ZNF704: variants seen among roughly 807,000 people sequenced by gnomAD.
ZNF704 encodes glucocorticoid induced gene 1.
ZNF704 carries 10 observed loss-of-function variants against 44.7 expected under a neutral mutation model. That is an observed-to-expected ratio of 0.22 (90% confidence interval 0.14 to 0.38). The LOEUF (loss-of-function observed/expected upper bound fraction) is 0.38, where lower values mean the gene tolerates loss of function less well. ZNF704 is among the 10% of genes least tolerant of loss of function. The pLI is 1.00. For synonymous variants in ZNF704, 211 were observed against 207.6 expected (o/e 1.02, Z -0.14); for missense variants, 390 against 545.5 (o/e 0.71, Z 2.84).
rs560828192 is a variant in ZNF704, at chr8:80,823,921, C to T, written c.-21-2306G>A. 2.0e-4 allele frequency among the ~76,000 whole-genome samples: 30 copies of T among 152,280 alleles called. 1 individual carries two copies. The highest frequency in any genetic ancestry group is 6.3e-4 in the African/African-American group (26 of 41,554). ...CATCCACACCAAAACCCCATCTGTA[C>T]GTCACCATCATCAAAGACCAAAGGT... On this transcript the variant is annotated intron_variant, in intron 1 of 8. Coordinates refer to ENST00000327835, the MANE Select transcript of ZNF704 (RefSeq NM_001033723.3).
chr8:80,670,741 T>A (rs931418540), intron 4 of ZNF704, 138 bp from the exon 5 acceptor site: 3 of 630,538 alleles, frequency 4.8e-6, no homozygotes, highest in Non-Finnish European at 8.5e-6. Context: ...CAGCACACTA[T>A]TGTAGGCATC....
At chr8:80,750,190 G>A (rs115109912) in intron 2 of ZNF704, among the ~76,000 whole-genome samples, 271 of 152,162 alleles carry the variant, frequency 1.8e-3, no homozygotes, top group African/African-American at 6.4e-3. Flanking sequence ...ATGGAACAGG[G>A]TTGGCACCAC....
chr8:80,641,569 G>T, intron 8 of ZNF704, 92 bp from the exon 9 acceptor site: 18 of 360,896 alleles, frequency 5.0e-5, no homozygotes, highest in East Asian at 1.6e-4. Context: ...AGTGAGGGAG[G>T]AAAAAAAAAA....
intron 3 of ZNF704, 87 bp downstream of exon 3, chr8:80,692,917 G>T: frequency 8.2e-7 from 1 of 1,215,564 alleles, no homozygotes; most frequent in Non-Finnish European, 1.2e-6. Flanking sequence ...GTGGTTCATA[G>T]CGCTTGACAG....
Position 80,687,361 on chromosome 8 carries a change from G to A in ZNF704, c.423C>T (p.Asn141=), listed in dbSNP as rs1018987533. 3.2e-5 allele frequency: 52 copies of A among 1,608,106 alleles called. No homozygotes were observed. Among genetic ancestry groups the A allele is most frequent in the Non-Finnish European group, 4.1e-5 (48 of 1,179,306 alleles). ...WSWSAPSDQS[N]PSTPSPPLSA... ...AGAGCGGCGGCGACGGCGTGGACGG[G>A]TTGGACTGGTCGCTGGGGGCGCTCC... The change falls in exon 4 of 9, where the codon AAC becomes AAT. Residue 141 remains asparagine (N), a synonymous_variant. Coordinates refer to ENST00000327835, the MANE Select transcript of ZNF704 (RefSeq NM_001033723.3).
intron 2 of ZNF704, among the ~76,000 whole-genome samples, chr8:80,816,697 TTTTC>T (rs1284874706): frequency 1.3e-5 from 2 of 152,228 alleles, no homozygotes; most frequent in South Asian, 2.1e-4. Context: ...TAGGAATTAA[TTTTC>T]TTTCTGTTAA....
At chr8:80,762,800 CACCTATCA>C (rs2131721400) in intron 2 of ZNF704, among the ~76,000 whole-genome samples, 1 of 152,278 alleles carries the variant, frequency 6.6e-6, no homozygotes, top group Admixed American at 6.5e-5. Context: ...AAGTCCTTTC[CACCTATCA>C]GCCTATCAAA....
rs554132590 is a variant in ZNF704 at position 80,634,229 on chromosome 8, T to A, written c.*7137A>T. The A allele has an allele frequency of 6.6e-6, 1 of 152,318 alleles. No individual in the cohort carries two copies. Among genetic ancestry groups the A allele is most frequent in the East Asian group, 1.9e-4 (1 of 5,178 alleles). 9.4% of individuals were successfully genotyped at this position (152,318 alleles called of 1,614,324 possible). A position where few individuals can be genotyped will look rare whatever the true frequency, so the allele number is the denominator to read the frequency against. Reference sequence around the variant, plus strand: ...GTAGAAAACACTAAGAAAATTAGGATAACAGTGATTCAACACTTTACGGGG... The same window carrying A: ...GTAGAAAACACTAAGAAAATTAGGAAAACAGTGATTCAACACTTTACGGGG... On this transcript the variant is annotated 3_prime_UTR_variant, in exon 9 of 9. Transcript: ENST00000327835.
intron 1 of ZNF704, among the ~76,000 whole-genome samples, chr8:80,841,835 G>C (rs778786400): frequency 2.0e-5 from 3 of 152,148 alleles, no homozygotes; most frequent in East Asian, 3.9e-4. Flanking sequence ...TGTTGCCCAG[G>C]CTGGAATGCA....
chr8:80,806,361 C>T (rs922333472), intron 2 of ZNF704, among the ~76,000 whole-genome samples: 1 of 152,170 alleles, frequency 6.6e-6, no homozygotes, highest in Non-Finnish European at 1.5e-5. Flanking sequence ...ATGACCATCA[C>T]AGTCAACACT....
intron 2 of ZNF704, among the ~76,000 whole-genome samples, chr8:80,804,240 T>C (rs931581007): frequency 4.6e-5 from 7 of 152,278 alleles, no homozygotes; most frequent in African/African-American, 1.4e-4. Flanking sequence ...TGTAAATTAG[T>C]TAAACCATGG....
chr8:80,796,450 A>G (rs537839266), intron 2 of ZNF704, among the ~76,000 whole-genome samples: 25 of 152,304 alleles, frequency 1.6e-4, no homozygotes, highest in African/African-American at 6.0e-4. Context: ...CCACCTCTCA[A>G]TACCACCACA....
chr8:80,853,627 A>G (rs760604584), intron 1 of ZNF704, among the ~76,000 whole-genome samples: 1 of 152,228 alleles, frequency 6.6e-6, no homozygotes, highest in Non-Finnish European at 1.5e-5. Flanking sequence ...AAACAGTAGA[A>G]AGAACAAACA....
At position 80,821,512 on chromosome 8, in the gene ZNF704, A is replaced by G; in HGVS notation, c.83T>C (p.Met28Thr). 2 of 1,613,950 alleles carry G rather than the reference A, an allele frequency of 1.2e-6. No individual in the cohort carries two copies. Among genetic ancestry groups the G allele is most frequent in the Non-Finnish European group, 1.7e-6 (2 of 1,179,930 alleles). The change falls in exon 2 of 9, where the codon ATG becomes ACG. Residue 28 changes from methionine (M) to threonine (T), a missense_variant. Met to Thr is a moderately conservative substitution (Grantham distance 81). Coordinates refer to ENST00000327835, the MANE Select transcript of ZNF704 (RefSeq NM_001033723.3). ...GTCTGCTGTTTTCACATCTTCCTCC[A>G]TGGCCAAGGAAAACACGTGTTGATG... ...MSHQHVFSLA[M>T]EEDVKTADTK...
chr8:80,712,943 T>C (rs1424633957), intron 2 of ZNF704, among the ~76,000 whole-genome samples: 1 of 151,994 alleles, frequency 6.6e-6, no homozygotes, highest in Non-Finnish European at 1.5e-5. Context: ...TTACCCAGGC[T>C]GGAGTGCAAT....
intron 1 of ZNF704, among the ~76,000 whole-genome samples, chr8:80,833,355 AAG>A (rs995184055): frequency 6.6e-6 from 1 of 152,218 alleles, no homozygotes; most frequent in Non-Finnish European, 1.5e-5. Flanking sequence ...TCTCAAAAAA[AAG>A]AGAAAAAAAT....
chr8:80,729,582 G>T (rs1806540619), intron 2 of ZNF704, among the ~76,000 whole-genome samples: 1 of 152,132 alleles, frequency 6.6e-6, no homozygotes. Flanking sequence ...TGAATTAAGT[G>T]GGAGTCAATC....
At chr8:80,870,708 AG>A (rs1167802221) in intron 1 of ZNF704, among the ~76,000 whole-genome samples, 1 of 152,064 alleles carries the variant, frequency 6.6e-6, no homozygotes, top group African/African-American at 2.4e-5. Flanking sequence ...CCCCAGAATC[AG>A]GCCCCAGGCT....
chr8:80,811,815 A>C (rs1808087894), intron 2 of ZNF704, among the ~76,000 whole-genome samples: 1 of 152,208 alleles, frequency 6.6e-6, no homozygotes, highest in African/African-American at 2.4e-5. Context: ...CCTGTTAGGA[A>C]CTGGGCTGCA....
Sources: allele counts gnomAD v4.1 joint callset (sites outside exome capture counted in the v4.1 genomes callset), GRCh38; gene constraint gnomAD v4.1.1; transcripts MANE v1.5; gene names NCBI Gene and HGNC (gene_info 2026-07-23, HGNC 2026-07-21).